GLIS3: variants seen among roughly 807,000 people sequenced by gnomAD.
GLIS3 encodes GLIS family zinc finger 3.
In GLIS3, 53 loss-of-function variants were observed where a neutral mutation model predicts 78.6. That is an observed-to-expected ratio of 0.67 (90% CI 0.54 to 0.85). The LOEUF (loss-of-function observed/expected upper bound fraction) is 0.85, where lower values mean the gene tolerates loss of function less well. Among genes scored for constraint, GLIS3 ranks in the 40% least tolerant of loss-of-function variants. The pLI is 0.00. For missense variants in GLIS3, 1,703 were observed against 1,231.1 expected (o/e 1.38, Z -5.74); for synonymous variants, 684 against 509.9 (o/e 1.34, Z -4.60).
chr9:4,384,288 A>G, the GLIS3 span, among the ~76,000 whole-genome samples: 2 of 152,132 alleles, frequency 1.3e-5, no homozygotes, highest in Non-Finnish European at 2.9e-5. Flanking sequence ...AGGTGGGAAA[A>G]CGGAACTACT....
At chr9:4,356,711 G>A in the GLIS3 span, among the ~76,000 whole-genome samples, 3 of 152,196 alleles carry the variant, frequency 2.0e-5, no homozygotes, top group Non-Finnish European at 4.4e-5. Context: ...GAAATCGCAT[G>A]ACTATTAGAG....
At chr9:4,425,067 G>C in the GLIS3 span, among the ~76,000 whole-genome samples, 1 of 152,020 alleles carries the variant, frequency 6.6e-6, no homozygotes, top group Non-Finnish European at 1.5e-5. Context: ...GGAAGCTGAG[G>C]AGTCATCCTG....
rs1057458169 is a variant in GLIS3 at position 4,258,332 on chromosome 9, T to C, written c.388+27706A>G. 9.2e-5 allele frequency among the ~76,000 whole-genome samples: 14 copies of C among 152,286 alleles called. No homozygotes were observed. In the South Asian group the frequency reaches 2.9e-3, roughly 32 times the overall value. ...GTTTTAGTTTACAGTAACATATATA[T>C]ACCAATGCTGGTTTCTTAATTTTGA... On this transcript the variant is annotated intron_variant, in intron 2 of 10. Transcript: ENST00000381971.
At chr9:4,473,237 A>G in the GLIS3 span, among the ~76,000 whole-genome samples, 17 of 152,206 alleles carry the variant, frequency 1.1e-4, no homozygotes, top group African/African-American at 4.1e-4. Context: ...GCAGCCATAG[A>G]AAGAATGAGA....
chr9:3,901,330 G>C (rs1823284760), intron 6 of GLIS3: 1 of 153,746 alleles, frequency 6.5e-6, no homozygotes, highest in African/African-American at 2.4e-5. Context: ...ATGTGCCAAA[G>C]CTGGCTCGCA....
At chr9:4,390,807 G>A in the GLIS3 span, among the ~76,000 whole-genome samples, 17 of 152,258 alleles carry the variant, frequency 1.1e-4, no homozygotes, top group East Asian at 1.7e-3. Flanking sequence ...CTTGGACTCC[G>A]CTGGGACAGG....
At chr9:4,362,205 G>A in the GLIS3 span, among the ~76,000 whole-genome samples, 1 of 152,182 alleles carries the variant, frequency 6.6e-6, no homozygotes, top group Non-Finnish European at 1.5e-5. Flanking sequence ...AGTGGAAAGG[G>A]GGAGATTTTT....
intron 2 of GLIS3, among the ~76,000 whole-genome samples, chr9:4,202,978 C>G (rs1401359056): frequency 6.6e-6 from 1 of 152,084 alleles, no homozygotes; most frequent in Non-Finnish European, 1.5e-5. Context: ...CAAGTGGGAC[C>G]TAATTAAACT....
chr9:4,252,454 T>C (rs551660804), intron 2 of GLIS3, among the ~76,000 whole-genome samples: 10 of 152,202 alleles, frequency 6.6e-5, no homozygotes, highest in Admixed American at 2.0e-4. Context: ...TTCAGTTCCA[T>C]CAGGTCATTT....
chr9:3,877,447 C>G (rs931670886), intron 8 of GLIS3, among the ~76,000 whole-genome samples: 1 of 152,196 alleles, frequency 6.6e-6, no homozygotes, highest in Non-Finnish European at 1.5e-5. Flanking sequence ...TCTTCTGATT[C>G]ATATTGCTAA....
intron 4 of GLIS3, among the ~76,000 whole-genome samples, chr9:4,057,408 T>G (rs542573112): frequency 1.3e-5 from 2 of 152,266 alleles, no homozygotes; most frequent in Non-Finnish European, 2.9e-5. Flanking sequence ...TATCATAACA[T>G]TTTTATGCTA....
intron 4 of GLIS3, chr9:4,071,866 A>C (rs1827640949): frequency 6.6e-6 from 1 of 152,252 alleles, no homozygotes; most frequent in South Asian, 2.1e-4. Context: ...TGAGAATTTC[A>C]AGAGAGCCAC....
chr9:4,254,690 A>T (rs1474140182), intron 2 of GLIS3, among the ~76,000 whole-genome samples: 1 of 152,086 alleles, frequency 6.6e-6, no homozygotes, highest in African/African-American at 2.4e-5. Context: ...AAATACAAAA[A>T]TTAGCCGGGC....
chr9:4,153,617 G>C (rs1020478172), intron 2 of GLIS3, among the ~76,000 whole-genome samples: 1 of 151,910 alleles, frequency 6.6e-6, no homozygotes, highest in Admixed American at 6.6e-5. Context: ...ACTAAATAAA[G>C]AAAGAGAACA....
At position 4,179,739 on chromosome 9, in the gene GLIS3, G is replaced by A. The variant is rs143062891; in HGVS notation, c.389-53798C>T. Among the ~76,000 whole-genome samples, 463 of 151,978 alleles carry A rather than the reference G, an allele frequency of 3.0e-3. 1 individual carries two copies. Among genetic ancestry groups the A allele is most frequent in the African/African-American group, 0.011 (442 of 41,490 alleles). ...AGCCTGGCCAACGTGGTGAAACCCC[G>A]TCTCTACTAAAAATTCAAAAATTAG... On this transcript the variant is annotated intron_variant, in intron 2 of 10. Transcript: ENST00000381971.
the GLIS3 span, among the ~76,000 whole-genome samples, chr9:4,486,009 G>A: frequency 6.6e-6 from 1 of 152,108 alleles, no homozygotes; most frequent in Admixed American, 6.5e-5. Context: ...GGCGTGAGCC[G>A]CCGCACCTGG....
intron 6 of GLIS3, among the ~76,000 whole-genome samples, chr9:3,915,873 A>G (rs111385292): frequency 0.011 from 1,734 of 152,348 alleles, 18 homozygotes; most frequent in Non-Finnish European, 0.018. Flanking sequence ...TGAGGGAAGG[A>G]AAAATGCCAT....
At chr9:4,031,640 C>CA (rs1198768050) in intron 4 of GLIS3, among the ~76,000 whole-genome samples, 2 of 152,188 alleles carry the variant, frequency 1.3e-5, no homozygotes, top group African/African-American at 2.4e-5. Context: ...ATGCCATGCA[C>CA]ATTTCACTTC....
At chr9:4,043,700 A>C (rs1450248056) in intron 4 of GLIS3, among the ~76,000 whole-genome samples, 1 of 152,210 alleles carries the variant, frequency 6.6e-6, no homozygotes, top group Non-Finnish European at 1.5e-5. Flanking sequence ...AATAAGCCTG[A>C]AAAACTAACA....
Sources: gnomAD v4.1 joint callset for allele counts (sites outside exome capture counted in the v4.1 genomes callset) on GRCh38, gnomAD v4.1.1 for gene constraint, MANE v1.5 for transcripts, NCBI Gene and HGNC (gene_info 2026-07-23, HGNC 2026-07-21) for gene names.